The following MSR1 variants were observed in gnomAD, a reference collection of about 807,000 sequenced individuals.
MSR1 encodes the protein macrophage scavenger receptor types I and II.
MSR1 carries 53 observed loss-of-function variants against 47.2 expected under a neutral mutation model. The observed-to-expected ratio is 1.12, with a 90% CI of 0.90 to 1.41. The LOEUF (loss-of-function observed/expected upper bound fraction) is 1.41, where lower values mean the gene tolerates loss of function less well. MSR1 is among the 40% of genes most tolerant of loss of function. The pLI is 0.00. For synonymous variants in MSR1, 239 were observed against 185.6 expected (o/e 1.29, Z -2.34); for missense variants, 786 against 546.9 (o/e 1.44, Z -4.36).
rs183994055 is a variant in MSR1, at chr8:16,130,276, G to A, written c.1034-9670C>T. On this transcript the variant is annotated intron_variant, in intron 8 of 9. Transcript: ENST00000262101. Reference sequence around the variant, plus strand: ...TGCATGTTTTACAGATTGAAAATTTGTGGTAATTCTGTGTCCTGCAAGTCT... The same window carrying A: ...TGCATGTTTTACAGATTGAAAATTTATGGTAATTCTGTGTCCTGCAAGTCT... Among the ~76,000 whole-genome samples the A allele has an allele frequency of 2.0e-4, 31 of 152,220 alleles. 1 individual carries two copies. The East Asian group carries it at 4.1e-3, about 20-fold the overall frequency.
At chr8:16,188,743 T>A (rs969726667) in intron 1 of MSR1, among the ~76,000 whole-genome samples, 1 of 151,988 alleles carries the variant, frequency 6.6e-6, no homozygotes, top group Non-Finnish European at 1.5e-5. Context: ...CTGTCACTTA[T>A]GAGTGAGAAC....
At chr8:16,145,346 G>A (rs1278321042) in intron 7 of MSR1, among the ~76,000 whole-genome samples, 1 of 151,962 alleles carries the variant, frequency 6.6e-6, no homozygotes, top group Non-Finnish European at 1.5e-5. Flanking sequence ...TGTCCAAGAG[G>A]AAAAAGCTCT....
rs1800949596 is a variant in MSR1, at chr8:16,154,667, GAAGATGATTTATTCAACGCA to G, written c.898+377_898+396del. ...TAAAAATGAGATAGCTTGCAAATGT[GAAGATGATTTATTCAACGCA>G]AAGATAATTGTTGTACTCCCCTTCA... is the stretch of plus-strand genomic sequence containing the variant. On this transcript the variant is annotated intron_variant, in intron 6 of 9. Coordinates refer to ENST00000262101, the MANE Select transcript of MSR1 (RefSeq NM_138715.3). 2.6e-5 allele frequency among the ~76,000 whole-genome samples: 4 copies of G among 151,944 alleles called. No homozygotes were observed. In the South Asian group the frequency reaches 8.3e-4, roughly 32 times the overall value.
At chr8:16,123,625 T>C (rs1004492281) in intron 8 of MSR1, among the ~76,000 whole-genome samples, 1 of 151,990 alleles carries the variant, frequency 6.6e-6, no homozygotes, top group Non-Finnish European at 1.5e-5. Context: ...TGTTTCCTCT[T>C]TATTTGTGTA....
At chr8:16,120,636 A>C in intron 8 of MSR1, 30 bp from the exon 9 acceptor site, 1 of 1,554,134 alleles carries the variant, frequency 6.4e-7, no homozygotes, top group Non-Finnish European at 8.7e-7. Flanking sequence ...AAAAAAAAAA[A>C]AAAAAGGCAA....
intron 8 of MSR1, among the ~76,000 whole-genome samples, chr8:16,142,969 T>C (rs1585156063): frequency 6.6e-6 from 1 of 152,268 alleles, no homozygotes; most frequent in East Asian, 1.9e-4. Flanking sequence ...ATAGAAGACA[T>C]CTCATCTAAT....
At chr8:16,111,676 G>T (rs1199827686) in intron 9 of MSR1, among the ~76,000 whole-genome samples, 1 of 151,388 alleles carries the variant, frequency 6.6e-6, no homozygotes. Flanking sequence ...CAAGGTTGTG[G>T]TCCTGATAAT....
chr8:16,157,428 T>C (rs1010044003), intron 5 of MSR1, among the ~76,000 whole-genome samples: 5 of 151,928 alleles, frequency 3.3e-5, no homozygotes, highest in Non-Finnish European at 7.4e-5. Flanking sequence ...TACTGATACC[T>C]GGTATTCGAA....
intron 6 of MSR1, among the ~76,000 whole-genome samples, chr8:16,152,585 G>T (rs1400004470): frequency 6.6e-6 from 1 of 152,056 alleles, no homozygotes; most frequent in East Asian, 1.9e-4. Context: ...GGCATCTCAT[G>T]TAGGTAGCCC....
chr8:16,130,816 C>T (rs1800238172), intron 8 of MSR1, among the ~76,000 whole-genome samples: 1 of 151,692 alleles, frequency 6.6e-6, no homozygotes, highest in Admixed American at 6.6e-5. Flanking sequence ...GTGACTCATT[C>T]TTTTGTATGG....
At chr8:16,187,389 A>AT (rs1421088739) in intron 1 of MSR1, among the ~76,000 whole-genome samples, 2 of 132,778 alleles carry the variant, frequency 1.5e-5, no homozygotes, top group African/African-American at 2.6e-5. Flanking sequence ...AAAAAAAAAA[A>AT]GGAAAGAAAG....
At chr8:16,124,397 G>A (rs1467808526) in intron 8 of MSR1, among the ~76,000 whole-genome samples, 1 of 152,178 alleles carries the variant, frequency 6.6e-6, no homozygotes, top group Non-Finnish European at 1.5e-5. Context: ...AATGATAGAG[G>A]ATTTCCTGGG....
rs574880262 is a variant in MSR1, at chr8:16,184,143, C to A, written c.-4-6151G>T. ...AGACAACATTTATTTTTCACCTTAA[C>A]ATTTATTTTTAATATGCCTTACTTA... is the stretch of plus-strand genomic sequence containing the variant. On this transcript the variant is annotated intron_variant, in intron 1 of 9. Coordinates refer to ENST00000262101, the MANE Select transcript of MSR1 (RefSeq NM_138715.3). Among the ~76,000 whole-genome samples, 9 of 151,780 alleles carry A rather than the reference C, an allele frequency of 5.9e-5. No individual in the cohort carries two copies. In the South Asian group the frequency reaches 1.9e-3, roughly 32 times the overall value.
intron 8 of MSR1, among the ~76,000 whole-genome samples, chr8:16,126,235 T>C (rs1800125313): frequency 1.3e-5 from 2 of 152,074 alleles, no homozygotes; most frequent in African/African-American, 2.4e-5. Flanking sequence ...CATTCAAACT[T>C]GAAAAGTCAG....
In MSR1 at chr8:16,168,626, G is replaced by A. The variant is rs370858821; in HGVS notation, c.462C>T (p.Asp154=). The A allele has an allele frequency of 1.5e-5, 24 of 1,614,126 alleles. No homozygotes were observed. The African/African-American group carries it at 2.9e-4, about 20-fold the overall frequency. Residue 154 remains aspartate (D), a synonymous_variant, in exon 4 of 10, where the codon GAC becomes GAT. Coordinates refer to ENST00000262101, the MANE Select transcript of MSR1 (RefSeq NM_138715.3). ...ACAAGGTACTTAGCTGCAGAAGAAT[G>A]TCATTAAATCTTTGATCAGTTGTCA... The part of the protein sequence containing the change: ...FSMTTDQRFN[D]ILLQLSTLFS...
rs191013879 is a variant in MSR1 at position 16,184,096 on chromosome 8, G to A, written c.-4-6104C>T. On this transcript the variant is annotated intron_variant, in intron 1 of 9. Coordinates refer to ENST00000262101, the MANE Select transcript of MSR1 (RefSeq NM_138715.3). ...GAAGGTATGAACAATATGGAACTGA[G>A]AGCAGTTTTAATTTTTCATAAAGAC... Among the ~76,000 whole-genome samples, 596 of 151,476 alleles carry A rather than the reference G, an allele frequency of 3.9e-3. 3 individuals carry two copies. The highest frequency in any genetic ancestry group is 0.017 in the Admixed American group (252 of 15,108).
At chr8:16,188,708 G>A (rs1485892526) in intron 1 of MSR1, among the ~76,000 whole-genome samples, 2 of 151,804 alleles carry the variant, frequency 1.3e-5, no homozygotes, top group Non-Finnish European at 1.5e-5. Context: ...TCCCCTCCCT[G>A]TGTCCACGTG....
At chr8:16,155,290 TGGA>T (rs1800975108) in intron 5 of MSR1, 146 bp from the exon 6 acceptor site, 2 of 651,960 alleles carry the variant, frequency 3.1e-6, no homozygotes, top group Non-Finnish European at 5.4e-6. Flanking sequence ...ACTTCATGAA[TGGA>T]GGAGTATTCT....
At chr8:16,171,666 G>C (rs1801491841) in intron 3 of MSR1, among the ~76,000 whole-genome samples, 1 of 152,140 alleles carries the variant, frequency 6.6e-6, no homozygotes, top group Admixed American at 6.5e-5. Flanking sequence ...AATGGAATTT[G>C]ACTGTAACAA....
Sources: allele counts gnomAD v4.1 joint callset (sites outside exome capture counted in the v4.1 genomes callset), GRCh38; gene constraint gnomAD v4.1.1; transcripts MANE v1.5; gene names NCBI Gene and HGNC (gene_info 2026-07-23, HGNC 2026-07-21).